The following LDB3 variants were observed in gnomAD, a reference collection of about 807,000 sequenced individuals.
LDB3 encodes LIM domain binding 3, also known as LIM domain-binding protein 3.
A neutral mutation model predicts 69.0 loss-of-function variants in LDB3; 49 were observed. The ratio of observed to expected loss-of-function variants is 0.71; its 90% CI spans 0.56 to 0.90. The LOEUF (loss-of-function observed/expected upper bound fraction) is 0.90, where lower values mean the gene tolerates loss of function less well. Among genes scored for constraint, LDB3 ranks in the 40% least tolerant of loss-of-function variants. LDB3 has a pLI of 0.00. For missense variants in LDB3, 928 were observed against 974.1 expected, an observed-to-expected ratio of 0.95 and a Z score of 0.63; for synonymous variants, 387 against 396.2, an observed-to-expected ratio of 0.98 and a Z score of 0.28.
At chr10:86,685,251 G>A (rs1235445009) in intron 5 of LDB3, among the ~76,000 whole-genome samples, 1 of 152,190 alleles carries the variant, frequency 6.6e-6, no homozygotes, top group Non-Finnish European at 1.5e-5. Flanking sequence ...TTAGTCCGGA[G>A]CTGCTGACAG....
chr10:86,714,701 A>G (rs1422530593), intron 9 of LDB3, among the ~76,000 whole-genome samples: 1 of 151,610 alleles, frequency 6.6e-6, no homozygotes, highest in Non-Finnish European at 1.5e-5. Context: ...GACTACAGGC[A>G]CCCGCCACCA....
chr10:86,731,839 C>CTTT (rs35644119), intron 13 of LDB3, among the ~76,000 whole-genome samples: 1 of 145,960 alleles, frequency 6.9e-6, no homozygotes, highest in Admixed American at 6.8e-5. Flanking sequence ...TGATTGAATA[C>CTTT]TTTTTTTTTT....
At chr10:86,706,783 G>T (rs45569035) in intron 8 of LDB3, 64 bp downstream of exon 8, 106 of 1,523,748 alleles carry the variant, frequency 7.0e-5, no homozygotes, top group Non-Finnish European at 8.9e-5. Flanking sequence ...CCCCACTCTG[G>T]GTCTACCTGT....
chr10:86,676,548 G>A (rs1490271175), intron 2 of LDB3, among the ~76,000 whole-genome samples: 5 of 130,290 alleles, frequency 3.8e-5, no homozygotes, highest in African/African-American at 1.4e-4. Flanking sequence ...CTGGGCATCA[G>A]AGCAAGACCC....
rs1406084480 is a variant in LDB3, at chr10:86,706,555, G to A, written c.921G>A (p.Val307=). Residue 307 remains valine (V), a synonymous_variant, in exon 8 of 14, where the codon GTG becomes GTA. Transcript: ENST00000361373. ...RSSTPIEHAP[V]CTSQATTPLL... ...GCACCCCTATTGAGCATGCGCCGGT[G>A]TGCACCAGCCAGGCCACCACCCCGC... 3.1e-6 allele frequency: 5 copies of A among 1,612,884 alleles called. No homozygotes were observed. Among genetic ancestry groups the A allele is most frequent in the Admixed American group, 1.7e-5 (1 of 60,012 alleles).
In LDB3 at chr10:86,699,824, G is replaced by T. The variant is rs537660741; in HGVS notation, c.897-6707G>T. On this transcript the variant is annotated intron_variant, in intron 7 of 13. Transcript: ENST00000361373. The surrounding 1 kb of genome is among the most constrained non-coding windows in gnomAD (Gnocchi z 4.9). ...TCTGGGGAAGAGGCTGATCCCTGGC[G>T]CTGCCCGGCTCCCTCGCTGCCCTCT... 3.9e-5 allele frequency: 40 copies of T among 1,026,642 alleles called. No homozygotes were observed. The highest frequency in any genetic ancestry group is 8.5e-5 in the East Asian group (1 of 11,752). 63.6% of individuals were successfully genotyped at this position (1,026,642 alleles called of 1,614,324 possible). A position where few individuals can be genotyped will look rare whatever the true frequency, so the allele number is the denominator to read the frequency against.
Position 86,731,256 on chromosome 10 carries a change from G to A in LDB3, c.2095-1631G>A, listed in dbSNP as rs551516050. On this transcript the variant is annotated intron_variant, in intron 13 of 13. Coordinates refer to ENST00000361373, the MANE Select transcript of LDB3 (RefSeq NM_007078.3). ...TTTTTTTTTTTTGAGACGGAATCTC[G>A]CTCTGTCGCCCAGGCTTGGGTACAG... Among the ~76,000 whole-genome samples, 8 of 117,010 alleles carry A rather than the reference G, an allele frequency of 6.8e-5. No individual in the cohort carries two copies. In the South Asian group the frequency reaches 1.4e-3, roughly 20 times the overall value. 76.8% of individuals were successfully genotyped at this position (117,010 alleles called of 152,430 possible).
chr10:86,733,174 A>G lies in LDB3; in HGVS notation c.*198A>G, dbSNP rs564737453. On this transcript the variant is annotated 3_prime_UTR_variant, in exon 14 of 14. Transcript: ENST00000361373. ...ATAGTTCAGACTAGGAGCCAAATGA[A>G]GACTCAAAACCAAGCTAGTTATTAA... 2.3e-4 allele frequency: 128 copies of G among 562,568 alleles called. No homozygotes were observed. The South Asian group carries it at 2.5e-3, about 11-fold the overall frequency. The allele number at this position is 562,568 out of a possible 1,614,324, so 34.8% of individuals were successfully genotyped here. A position where few individuals can be genotyped will look rare whatever the true frequency, so the allele number is the denominator to read the frequency against.
Position 86,716,498 on chromosome 10 carries a change from A to G in LDB3, c.1403A>G (p.Asn468Ser), listed in dbSNP as rs730880129. ...APAYTPSPAP[N>S]YNPAPSVAYS... ...GCCTATACCCCCTCACCTGCCCCCA[A>G]CTATAACCCTGCACCCTCGGTGGCC... The change falls in exon 10 of 14, where the codon AAC becomes AGC. Residue 468 changes from asparagine to serine, a missense_variant. Physicochemically the swap from Asn to Ser is conservative, Grantham distance 46. Coordinates refer to ENST00000361373, the MANE Select transcript of LDB3 (RefSeq NM_007078.3). 2.8e-5 allele frequency: 44 copies of G among 1,596,504 alleles called. No homozygotes were observed. Among genetic ancestry groups the G allele is most frequent in the African/African-American group, 4.2e-5 (3 of 72,070 alleles).
chr10:86,718,112 C>A lies in LDB3; in HGVS notation c.1825C>A (p.Leu609Met). 2 of 1,614,194 alleles carry A rather than the reference C, an allele frequency of 1.2e-6. No homozygotes were observed. The highest frequency in any genetic ancestry group is 8.5e-7 in the Non-Finnish European group (1 of 1,180,044). ...ATGTTATGAGCAATTCTTTGCCCCG[C>A]TGTGTGCCAAGTGCAACACCAAAAT... Reference protein sequence around the residue: ...ERCYEQFFAPLCAKCNTKIMG... With the variant: ...ERCYEQFFAPMCAKCNTKIMG... The change falls in exon 11 of 14, where the codon CTG becomes ATG. Residue 609 changes from leucine to methionine, a missense_variant. Leu to Met is a conservative substitution (Grantham distance 15, BLOSUM62 2). Coordinates refer to ENST00000361373, the MANE Select transcript of LDB3 (RefSeq NM_007078.3).
chr10:86,711,747 C>G (rs982897279), intron 9 of LDB3, among the ~76,000 whole-genome samples: 52 of 150,234 alleles, frequency 3.5e-4, no homozygotes, highest in Non-Finnish European at 6.8e-4. Context: ...CCCGGAACAC[C>G]TGAGGCCCGG....
At chr10:86,695,491 G>T (rs1406499063) in intron 7 of LDB3, among the ~76,000 whole-genome samples, 1 of 152,172 alleles carries the variant, frequency 6.6e-6, no homozygotes, top group Non-Finnish European at 1.5e-5. Context: ...AGGTGGGGGA[G>T]GCCTGAACAG....
intron 10 of LDB3, 51 bp downstream of exon 10, chr10:86,716,822 G>A (rs1846897656): frequency 1.3e-6 from 2 of 1,547,076 alleles, no homozygotes; most frequent in African/African-American, 1.4e-5. Context: ...GCGTGTGTGT[G>A]GGGTGCTTGC....
intron 7 of LDB3, chr10:86,700,176 G>A: frequency 3.6e-6 from 2 of 555,554 alleles, no homozygotes; most frequent in Non-Finnish European, 4.6e-6. Flanking sequence ...CCGGCCCCAG[G>A]ACACAGCGCA....
intron 5 of LDB3, among the ~76,000 whole-genome samples, chr10:86,682,194 C>T (rs535602027): frequency 2.0e-5 from 3 of 152,170 alleles, no homozygotes; most frequent in Non-Finnish European, 2.9e-5. Flanking sequence ...TGCACAGGTC[C>T]CCACCCCTCT....
At position 86,699,176 on chromosome 10, in the gene LDB3, G is replaced by A; in HGVS notation, c.896+6605G>A. ...CCCACCTGTTAGACAGGGGAATGGTGAACACATTCCCTAACCCCTTTCATT... is the reference window on the plus strand; with the variant it reads ...CCCACCTGTTAGACAGGGGAATGGTAAACACATTCCCTAACCCCTTTCATT... On this transcript the variant is annotated intron_variant, in intron 7 of 13. Coordinates refer to ENST00000361373, the MANE Select transcript of LDB3 (RefSeq NM_007078.3). The surrounding 1 kb of genome is among the most constrained non-coding windows in gnomAD (Gnocchi z 4.9). The A allele has an allele frequency of 7.3e-7, 1 of 1,373,944 alleles. No homozygotes were observed. Among genetic ancestry groups the A allele is most frequent in the Admixed American group, 1.7e-5 (1 of 59,302 alleles). The allele number at this position is 1,373,944 out of a possible 1,614,324, so 85.1% of individuals were successfully genotyped here. A position where few individuals can be genotyped will look rare whatever the true frequency, so the allele number is the denominator to read the frequency against.
chr10:86,683,369 C>G (rs1845269298), intron 5 of LDB3, among the ~76,000 whole-genome samples: 1 of 152,234 alleles, frequency 6.6e-6, no homozygotes, highest in Non-Finnish European at 1.5e-5. Flanking sequence ...AAAATAGACG[C>G]TCAGAGAGAG....
chr10:86,670,591 G>A (rs563939811), intron 2 of LDB3, among the ~76,000 whole-genome samples: 13 of 152,296 alleles, frequency 8.5e-5, no homozygotes, highest in African/African-American at 2.2e-4. Context: ...ACCTGGCCCC[G>A]GCCAGCCAGG....
At chr10:86,686,635 C>T (rs1281353625) in intron 5 of LDB3, among the ~76,000 whole-genome samples, 2 of 151,530 alleles carry the variant, frequency 1.3e-5, no homozygotes, top group South Asian at 2.1e-4. Flanking sequence ...TGGGCAACAT[C>T]GTGAGACTCT....
Sources: gnomAD v4.1 joint callset for allele counts (sites outside exome capture counted in the v4.1 genomes callset) on GRCh38, gnomAD v4.1.1 for gene constraint, Gnocchi (gnomAD v3.1) non-coding constraint, MANE v1.5 for transcripts, NCBI Gene and HGNC (gene_info 2026-07-23, HGNC 2026-07-21) for gene names.